The following TRIM44 variants were observed in gnomAD, a reference collection of about 807,000 sequenced individuals.
TRIM44 encodes the protein tripartite motif-containing protein 44.
Under a neutral mutation model 37.4 loss-of-function variants are expected in TRIM44, and 13 were observed. That is an observed-to-expected ratio of 0.35 (90% CI 0.23 to 0.55). The LOEUF is 0.55. TRIM44 is among the 20% of genes least tolerant of loss of function. The pLI is 0.89. For missense variants in TRIM44, 426 were observed against 437.2 expected (o/e 0.97, Z 0.23); for synonymous variants, 175 against 157.2 (o/e 1.11, Z -0.85).
intron 4 of TRIM44, among the ~76,000 whole-genome samples, chr11:35,783,443 G>A (rs1325559374): frequency 6.6e-6 from 1 of 152,036 alleles, no homozygotes; most frequent in Non-Finnish European, 1.5e-5. Context: ...TGCTTTTATG[G>A]ACATAGAATC....
chr11:35,719,356 C>G (rs1015261402), intron 2 of TRIM44, among the ~76,000 whole-genome samples: 2 of 152,094 alleles, frequency 1.3e-5, no homozygotes, highest in Non-Finnish European at 2.9e-5. Context: ...TTTTCATGTG[C>G]TTATTTGCCA....
intron 3 of TRIM44, among the ~76,000 whole-genome samples, chr11:35,727,685 A>T (rs1590547229): frequency 6.6e-6 from 1 of 152,190 alleles, no homozygotes. Context: ...GGGATATTTG[A>T]GATACAGAGA....
intron 2 of TRIM44, among the ~76,000 whole-genome samples, chr11:35,703,506 A>AC (rs1851827751): frequency 6.6e-6 from 1 of 151,906 alleles, no homozygotes; most frequent in Admixed American, 6.6e-5. Context: ...ACTGGGAGGC[A>AC]CCCCCCAGTA....
In TRIM44 at chr11:35,665,586, G is replaced by GTTTTTTTTTTTTTTTTTT. The variant is rs35522287; in HGVS notation, c.669+1815_669+1832dup. On this transcript the variant is annotated intron_variant, in intron 1 of 4. Transcript: ENST00000299413. ...TCATTATATGAGTTTTTATATATCT[G>GTTTTTTTTTTTTTTTTTT]TTTTTTTTTTTTTTTTTTTTTTTTT... Among the ~76,000 whole-genome samples, 3 of 71,518 alleles carry GTTTTTTTTTTTTTTTTTT rather than the reference G, an allele frequency of 4.2e-5. 1 individual carries two copies. The highest frequency in any genetic ancestry group is 5.4e-5 in the Non-Finnish European group (2 of 37,066). 46.9% of individuals were successfully genotyped at this position (71,518 alleles called of 152,430 possible).
chr11:35,699,443 G>A (rs1442808329), intron 2 of TRIM44, among the ~76,000 whole-genome samples: 2 of 151,976 alleles, frequency 1.3e-5, no homozygotes, highest in African/African-American at 4.8e-5. Context: ...GGTATTGATG[G>A]GACGTATCTC....
At chr11:35,760,837 G>A (rs1282373743) in intron 4 of TRIM44, among the ~76,000 whole-genome samples, 2 of 152,124 alleles carry the variant, frequency 1.3e-5, no homozygotes, top group African/African-American at 2.4e-5. Flanking sequence ...CAGAAATACA[G>A]TATTTTATCT....
intron 3 of TRIM44, among the ~76,000 whole-genome samples, chr11:35,729,351 ACTT>A (rs1852223559): frequency 6.6e-6 from 1 of 152,002 alleles, no homozygotes; most frequent in Non-Finnish European, 1.5e-5. Context: ...TGAAACTCTT[ACTT>A]CTACCTTTGG....
intron 4 of TRIM44, among the ~76,000 whole-genome samples, chr11:35,758,950 A>G (rs1257039890): frequency 6.6e-6 from 1 of 151,978 alleles, no homozygotes; most frequent in Non-Finnish European, 1.5e-5. Context: ...CTTCATTTCA[A>G]CTTTGGTGAA....
chr11:35,741,162 C>T (rs1455285867), intron 4 of TRIM44, among the ~76,000 whole-genome samples: 1 of 152,132 alleles, frequency 6.6e-6, no homozygotes, highest in African/African-American at 2.4e-5. Flanking sequence ...ACTATCAGGA[C>T]TGCTTATTAT....
In TRIM44 at chr11:35,817,351, T is replaced by C. The variant is rs980624882; in HGVS notation, c.*10966T>C. 1 of 152,164 alleles carries C rather than the reference T, an allele frequency of 6.6e-6. No individual in the cohort carries two copies. The highest frequency in any genetic ancestry group is 1.9e-4 in the East Asian group (1 of 5,196). 9.4% of individuals were successfully genotyped at this position (152,164 alleles called of 1,614,324 possible). ...CTGCCACTGACAAGTTGTGTGGCAT[T>C]TGGCACATCATGTTCTCTCTCTACA... On this transcript the variant is annotated 3_prime_UTR_variant, in exon 5 of 5. Transcript: ENST00000299413.
intron 4 of TRIM44, among the ~76,000 whole-genome samples, chr11:35,803,668 C>T (rs182851396): frequency 5.3e-4 from 81 of 152,200 alleles, no homozygotes; most frequent in African/African-American, 1.8e-3. Flanking sequence ...TTACAGTGAG[C>T]GAAGATCGCA....
chr11:35,797,300 A>C (rs1853306368), intron 4 of TRIM44, among the ~76,000 whole-genome samples: 1 of 152,204 alleles, frequency 6.6e-6, no homozygotes, highest in Admixed American at 6.5e-5. Flanking sequence ...GTCCATTCTG[A>C]TATAAATGAT....
In TRIM44 at chr11:35,805,867, G is replaced by A. The variant is rs983464293; in HGVS notation, c.1008-491G>A. 4.6e-5 allele frequency among the ~76,000 whole-genome samples: 7 copies of A among 152,172 alleles called. 1 individual carries two copies. Among genetic ancestry groups the A allele is most frequent in the African/African-American group, 1.7e-4 (7 of 41,436 alleles). Reference sequence around the variant, plus strand: ...CTGACGAGGTGGCATATGTCCCTATGGCATGAGTTGAAATCTTGGATTTTT... The same window carrying A: ...CTGACGAGGTGGCATATGTCCCTATAGCATGAGTTGAAATCTTGGATTTTT... On this transcript the variant is annotated intron_variant, in intron 4 of 4. Transcript: ENST00000299413.
At chr11:35,729,517 C>T (rs1852226702) in intron 3 of TRIM44, among the ~76,000 whole-genome samples, 1 of 152,138 alleles carries the variant, frequency 6.6e-6, no homozygotes, top group Admixed American at 6.6e-5. Flanking sequence ...CCCTCTCACC[C>T]CTGCATTAAC....
intron 2 of TRIM44, among the ~76,000 whole-genome samples, chr11:35,686,692 G>A (rs931610722): frequency 2.0e-5 from 3 of 152,154 alleles, no homozygotes; most frequent in African/African-American, 7.2e-5. Flanking sequence ...GAGTGGCTGA[G>A]ACTACAGGCA....
chr11:35,672,784 G>T (rs568654107), intron 1 of TRIM44, among the ~76,000 whole-genome samples: 1 of 152,176 alleles, frequency 6.6e-6, no homozygotes. Flanking sequence ...AAGGCTTGCT[G>T]TAATGTATCT....
intron 4 of TRIM44, among the ~76,000 whole-genome samples, chr11:35,779,315 A>G (rs1853026438): frequency 6.6e-6 from 1 of 152,132 alleles, no homozygotes; most frequent in Non-Finnish European, 1.5e-5. Context: ...TTAGGGTGCA[A>G]GTGTCCCGAT....
chr11:35,797,730 A>G (rs1180911362), intron 4 of TRIM44, among the ~76,000 whole-genome samples: 1 of 152,186 alleles, frequency 6.6e-6, no homozygotes, highest in African/African-American at 2.4e-5. Context: ...CGTCCTCACC[A>G]TCACAAACAA....
chr11:35,747,877 G>A (rs1240778784), intron 4 of TRIM44, among the ~76,000 whole-genome samples: 2 of 150,346 alleles, frequency 1.3e-5, no homozygotes, highest in African/African-American at 4.9e-5. Flanking sequence ...TAACTGGGGG[G>A]TACGGTGCGG....
Sources: gnomAD v4.1 joint callset for allele counts (sites outside exome capture counted in the v4.1 genomes callset) on GRCh38, gnomAD v4.1.1 for gene constraint, MANE v1.5 for transcripts, NCBI Gene and HGNC (gene_info 2026-07-23, HGNC 2026-07-21) for gene names.